Variants in TBC1D4 observed in about 807,000 individuals in gnomAD.
TBC1D4 encodes the protein TBC (Tre-2, BUB2, CDC16) domain-containing protein.
Under a neutral mutation model 142.5 loss-of-function variants are expected in TBC1D4, and 121 were observed. The observed-to-expected ratio is 0.85, with a 90% confidence interval of 0.73 to 0.99. TBC1D4 has a LOEUF of 0.99. Ranked by LOEUF, TBC1D4 falls within the 50% of genes least tolerant of loss-of-function variation. The probability of loss-of-function intolerance (pLI) is 0.00; values close to 1 mark genes in which losing one functional copy is unlikely to be tolerated. For synonymous variants in TBC1D4, 630 were observed against 628.2 expected (o/e 1.00, Z -0.04); for missense variants, 1,475 against 1,606.6 (o/e 0.92, Z 1.40).
chr13:75,463,526 A>AT (rs146646490), intron 1 of TBC1D4, among the ~76,000 whole-genome samples: 7,639 of 152,260 alleles, frequency 0.05, 375 homozygotes, highest in East Asian at 0.23. Context: ...ACATGTACAC[A>AT]TTTGTTAACT....
At chr13:75,305,028 A>G (rs1052934415) in intron 15 of TBC1D4, among the ~76,000 whole-genome samples, 1 of 152,064 alleles carries the variant, frequency 6.6e-6, no homozygotes, top group African/African-American at 2.4e-5. Context: ...AGTGAGAAGG[A>G]CCCGGTGGGA....
chr13:75,430,655 C>T (rs1886559532), intron 1 of TBC1D4, among the ~76,000 whole-genome samples: 1 of 152,180 alleles, frequency 6.6e-6, no homozygotes, highest in Non-Finnish European at 1.5e-5. Context: ...CACAACTTGC[C>T]AAATGTTTAT....
intron 1 of TBC1D4, among the ~76,000 whole-genome samples, chr13:75,467,164 G>A (rs909045705): frequency 1.6e-4 from 25 of 152,164 alleles, no homozygotes; most frequent in African/African-American, 5.8e-4. Context: ...GTACATTACA[G>A]CTTGTCCCTT....
At chr13:75,379,381 G>T (rs748890692) in intron 1 of TBC1D4, among the ~76,000 whole-genome samples, 2 of 152,056 alleles carry the variant, frequency 1.3e-5, no homozygotes, top group Non-Finnish European at 2.9e-5. Context: ...ATATTCATTT[G>T]TGTTACTGTC....
At chr13:75,291,264 A>AGGGGC (rs1408503088) in intron 19 of TBC1D4, among the ~76,000 whole-genome samples, 106 of 152,258 alleles carry the variant, frequency 7.0e-4, no homozygotes, top group African/African-American at 2.4e-3. Flanking sequence ...GGCAGGAGAA[A>AGGGGC]AGGGTTGGGT....
intron 1 of TBC1D4, among the ~76,000 whole-genome samples, chr13:75,410,167 T>C (rs920741254): frequency 5.3e-5 from 8 of 152,198 alleles, no homozygotes; most frequent in African/African-American, 1.7e-4. Context: ...ATGGTACCTA[T>C]AATTACTATG....
chr13:75,362,157 T>G lies in TBC1D4; in HGVS notation c.949A>C (p.Ser317Arg). The G allele has an allele frequency of 2.5e-6, 4 of 1,613,326 alleles. No individual in the cohort carries two copies. The highest frequency in any genetic ancestry group is 3.4e-6 in the Non-Finnish European group (4 of 1,179,990). ...CTCCGTTGCACGCCGGTGACACTGCTGCACCGAGACCGAAACTCCTGCTGC... is the reference window on the plus strand; with the variant it reads ...CTCCGTTGCACGCCGGTGACACTGCGGCACCGAGACCGAAACTCCTGCTGC... ...DEQQEFRSRC[S>R]SVTGVQRRVH... The change falls in exon 2 of 21, where the codon AGC becomes CGC. Residue 317 changes from serine (S) to arginine (R), a missense_variant. Physicochemically the swap from Ser to Arg is moderately radical, Grantham distance 110. This residue lies in a region of TBC1D4 where 1,227 missense variants were observed against 1,267.7 expected (regional missense o/e 0.97). Transcript: ENST00000377636. This position sits in a 1 kb window ranked among gnomAD's most constrained non-coding sequence, Gnocchi z 4.2.
At chr13:75,430,838 G>A (rs1026197326) in intron 1 of TBC1D4, among the ~76,000 whole-genome samples, 5 of 152,052 alleles carry the variant, frequency 3.3e-5, no homozygotes, top group Non-Finnish European at 7.4e-5. Context: ...TATGGTCAGC[G>A]CAGCTCCATC....
intron 1 of TBC1D4, among the ~76,000 whole-genome samples, chr13:75,413,032 A>G (rs1373196593): frequency 1.3e-5 from 2 of 152,218 alleles, no homozygotes; most frequent in Non-Finnish European, 2.9e-5. Flanking sequence ...GAAACAGACA[A>G]GAAAATGGGC....
intron 17 of TBC1D4, among the ~76,000 whole-genome samples, chr13:75,298,893 T>C (rs564171630): frequency 6.1e-4 from 93 of 152,284 alleles, no homozygotes; most frequent in Middle Eastern, 3.4e-3. Flanking sequence ...AAAAGAACCA[T>C]AACATGGTAT....
Position 75,481,457 on chromosome 13 carries a change from C to A in TBC1D4, c.311G>T (p.Gly104Val). 1 of 1,613,650 alleles carries A rather than the reference C, an allele frequency of 6.2e-7. No individual in the cohort carries two copies. The highest frequency in any genetic ancestry group is 8.5e-7 in the Non-Finnish European group (1 of 1,179,730). Residue 104 changes from glycine (G) to valine (V), a missense_variant, in exon 1 of 21, where the codon GGC becomes GTC. Physicochemically the swap from Gly to Val is moderately radical, Grantham distance 109. Around this residue, in one of 2 missense-constraint regions of TBC1D4, gnomAD observed 1,227 missense variants for 1,267.7 expected, o/e 0.97. Coordinates refer to ENST00000377636, the MANE Select transcript of TBC1D4 (RefSeq NM_014832.5). ...GGGCTGCGTGGCCGACGGACTAGTG[C>A]CCCCCGAGGCCCCAGCGCCCGGCGC... is the stretch of plus-strand genomic sequence containing the variant. ...VPAPGAGASG[G>V]TSPSATQPNP...
rs1457198560 is a variant in TBC1D4, at chr13:75,283,713, A to G, written c.*3079T>C. On this transcript the variant is annotated 3_prime_UTR_variant, in exon 21 of 21. Transcript: ENST00000377636. ...AAAAGGGTAGAATGCAAATCTGTCA[A>G]TGTGGTTGCTTATATTTTTCTTTCA... Among the ~76,000 whole-genome samples, 1 of 152,180 alleles carries G rather than the reference A, an allele frequency of 6.6e-6. No individual in the cohort carries two copies. Among genetic ancestry groups the G allele is most frequent in the African/African-American group, 2.4e-5 (1 of 41,452 alleles).
intron 1 of TBC1D4, among the ~76,000 whole-genome samples, chr13:75,365,798 A>T (rs1420198608): frequency 1.3e-5 from 2 of 152,152 alleles, no homozygotes; most frequent in East Asian, 1.9e-4. Flanking sequence ...CCCTGTGGCC[A>T]CTAGGAAAAT....
intron 1 of TBC1D4, chr13:75,375,761 G>A (rs1248065060): frequency 1.0e-5 from 1 of 99,546 alleles, no homozygotes; most frequent in Admixed American, 1.0e-4. Context: ...TTCCCCTACT[G>A]CCCCACCCCC....
intron 15 of TBC1D4, 98 bp from the exon 16 acceptor site, chr13:75,302,499 G>T: frequency 1.4e-6 from 2 of 1,404,100 alleles, no homozygotes; most frequent in Non-Finnish European, 2.0e-6. Context: ...ACAGGCAGCT[G>T]TATGTACTGC....
At chr13:75,393,380 A>G (rs890709710) in intron 1 of TBC1D4, among the ~76,000 whole-genome samples, 5 of 152,192 alleles carry the variant, frequency 3.3e-5, no homozygotes, top group African/African-American at 1.2e-4. Flanking sequence ...TATTTATATA[A>G]TAAAAATTGT....
chr13:75,399,997 G>A (rs1432043166), intron 1 of TBC1D4, among the ~76,000 whole-genome samples: 1 of 152,132 alleles, frequency 6.6e-6, no homozygotes, highest in African/African-American at 2.4e-5. Context: ...CACAAGGTCA[G>A]CCGAGGCACC....
intron 1 of TBC1D4, among the ~76,000 whole-genome samples, chr13:75,416,705 G>A (rs1486785849): frequency 6.6e-6 from 1 of 152,206 alleles, no homozygotes; most frequent in Non-Finnish European, 1.5e-5. Flanking sequence ...GTGCCAGGTT[G>A]TGGATAATAA....
At chr13:75,376,926 C>T (rs1257850605) in intron 1 of TBC1D4, among the ~76,000 whole-genome samples, 2 of 152,186 alleles carry the variant, frequency 1.3e-5, no homozygotes, top group Admixed American at 6.5e-5. Context: ...AATAGCACCA[C>T]GTGTGTAACC....
Sources: gnomAD v4.1 joint callset for allele counts (sites outside exome capture counted in the v4.1 genomes callset) on GRCh38, gnomAD v4.1.1 for gene constraint, gnomAD v4.1.1 regional missense constraint, Gnocchi (gnomAD v3.1) non-coding constraint, MANE v1.5 for transcripts, NCBI Gene and HGNC (gene_info 2026-07-23, HGNC 2026-07-21) for gene names.